LRPPRC: variants seen among roughly 807,000 people sequenced by gnomAD.
LRPPRC encodes the protein leucine rich pentatricopeptide repeat containing.
In LRPPRC, 120 loss-of-function variants were observed where a neutral mutation model predicts 180.3. The observed-to-expected ratio is 0.67, with a 90% CI of 0.57 to 0.77. The LOEUF is 0.77. Among genes scored for constraint, LRPPRC ranks in the 30% least tolerant of loss-of-function variants. The pLI, the probability that LRPPRC is intolerant of heterozygous loss-of-function variation, is 0.00. For synonymous variants in LRPPRC, 723 were observed against 600.0 expected (o/e 1.21, Z -3.00); for missense variants, 2,012 against 1,657.2 (o/e 1.21, Z -3.72).
rs1180201406 is a variant in LRPPRC at position 43,886,397 on chromosome 2, A to G, written c.*2203T>C. 3 of 152,180 alleles carry G rather than the reference A, an allele frequency of 2.0e-5. No homozygotes were observed. The highest frequency in any genetic ancestry group is 7.2e-5 in the African/African-American group (3 of 41,450). The allele number at this position is 152,180 out of a possible 1,614,324, so 9.4% of individuals were successfully genotyped here. A position where few individuals can be genotyped will look rare whatever the true frequency, so the allele number is the denominator to read the frequency against. On this transcript the variant is annotated 3_prime_UTR_variant, in exon 38 of 38. Transcript: ENST00000260665. ...TAAATGTATTACAGAAAGCTGCTAA[A>G]TTGTTTATATTTCTACTTATTTCAA...
In LRPPRC at chr2:43,918,287, C is replaced by A. The variant is rs1327576492; in HGVS notation, c.3008G>T (p.Gly1003Val). ...LRLLAEILREGNQEVPFDVPE... is the reference protein window; with the variant it reads ...LRLLAEILREVNQEVPFDVPE... ...TACGTCAAACGGAACTTCCTGGTTACCCTCTCTAAGGATTTCTGCTAATAA... is the reference window on the plus strand; with the variant it reads ...TACGTCAAACGGAACTTCCTGGTTAACCTCTCTAAGGATTTCTGCTAATAA... Residue 1003 changes from glycine (G) to valine (V), a missense_variant, in exon 28 of 38, where the codon GGT (glycine) becomes GTT (valine). Physicochemically the swap from Gly to Val is moderately radical, Grantham distance 109. Transcript: ENST00000260665. 6.2e-6 allele frequency: 10 copies of A among 1,612,812 alleles called. No individual in the cohort carries two copies. Among genetic ancestry groups the A allele is most frequent in the Non-Finnish European group, 8.5e-6 (10 of 1,178,992 alleles).
chr2:43,996,117 A>G, upstream of LRPPRC: 1 of 577,462 alleles, frequency 1.7e-6, no homozygotes, highest in South Asian at 2.1e-5. Flanking sequence ...CTCCGAGGAC[A>G]GAAGACCCAA....
At chr2:43,893,120 C>G (rs1045626325) in intron 36 of LRPPRC, among the ~76,000 whole-genome samples, 2 of 152,188 alleles carry the variant, frequency 1.3e-5, no homozygotes, top group Non-Finnish European at 2.9e-5. Context: ...TTGCTACAAT[C>G]TCATGATCAG....
intron 27 of LRPPRC, among the ~76,000 whole-genome samples, chr2:43,923,529 TA>T (rs1195493292): frequency 6.6e-6 from 1 of 151,940 alleles, no homozygotes; most frequent in African/African-American, 2.4e-5. Context: ...ATAGGAAGAG[TA>T]AGTTTGTGTG....
intron 14 of LRPPRC, among the ~76,000 whole-genome samples, chr2:43,952,726 C>T (rs1672953538): frequency 6.6e-6 from 1 of 151,958 alleles, no homozygotes. Flanking sequence ...TCTTTGTTTC[C>T]CAGAAGAGGA....
intron 30 of LRPPRC, among the ~76,000 whole-genome samples, chr2:43,909,827 A>G (rs1671194961): frequency 6.6e-6 from 1 of 152,014 alleles, no homozygotes; most frequent in South Asian, 2.1e-4. Flanking sequence ...AGAAGAAGGG[A>G]AGAAGATAAA....
chr2:43,995,360 T>C (rs894866520), intron 1 of LRPPRC, among the ~76,000 whole-genome samples: 1 of 152,114 alleles, frequency 6.6e-6, no homozygotes, highest in Non-Finnish European at 1.5e-5. Context: ...CGCCGCCCCA[T>C]CCCTCGCAAA....
chr2:43,976,972 A>G, intron 5 of LRPPRC, 22 bp downstream of exon 5: 1 of 1,602,462 alleles, frequency 6.2e-7, no homozygotes. Context: ...GTTCGCTTAA[A>G]CATGTTCATA....
chr2:43,924,470 G>T (rs1671806528), intron 27 of LRPPRC, among the ~76,000 whole-genome samples: 1 of 152,156 alleles, frequency 6.6e-6, no homozygotes, highest in Admixed American at 6.5e-5. Flanking sequence ...TTTAGAAATG[G>T]AAAATGGAAA....
At position 43,934,206 on chromosome 2, in the gene LRPPRC, G is replaced by T; in HGVS notation, c.2720C>A (p.Ala907Asp). 1 of 1,596,028 alleles carries T rather than the reference G, an allele frequency of 6.3e-7. No homozygotes were observed. The highest frequency in any genetic ancestry group is 8.6e-7 in the Non-Finnish European group (1 of 1,164,108). Reference protein sequence around the residue: ...AFLQTGNYKEAKKIIETPGIR... With the variant: ...AFLQTGNYKEDKKIIETPGIR... ...AAATCACACCTCAATGATCTTCTTG[G>T]CCTCTTTGTAATTTCCTGTTTGTAG... is the stretch of plus-strand genomic sequence containing the variant. The change falls in exon 25 of 38, where the codon GCC (alanine) becomes GAC (aspartate). Residue 907 changes from alanine (A) to aspartate (D), a missense_variant. By Grantham distance (126) the Ala-to-Asp change is moderately radical. Transcript: ENST00000260665.
intron 29 of LRPPRC, 93 bp from the exon 30 acceptor site, chr2:43,912,651 A>G (rs1202410113): frequency 2.8e-6 from 3 of 1,082,124 alleles, no homozygotes; most frequent in East Asian, 2.5e-5. Context: ...CTAAACCCAA[A>G]TATTTTTGCT....
At chr2:43,935,456 T>C (rs1672242277) in intron 23 of LRPPRC, among the ~76,000 whole-genome samples, 1 of 152,230 alleles carries the variant, frequency 6.6e-6, no homozygotes, top group Non-Finnish European at 1.5e-5. Context: ...CTTACTATTA[T>C]GAAAACTAGG....
chr2:43,890,384 T>C (rs1388520640), intron 36 of LRPPRC: 1 of 469,566 alleles, frequency 2.1e-6, no homozygotes, highest in Admixed American at 2.4e-5. Flanking sequence ...TAAACAAATA[T>C]GGAAAGTATA....
chr2:43,970,250 T>C (rs1396115087), intron 11 of LRPPRC, among the ~76,000 whole-genome samples: 2 of 152,218 alleles, frequency 1.3e-5, no homozygotes, highest in African/African-American at 4.8e-5. Context: ...TTACATTATC[T>C]ATTTTGCTGG....
intron 29 of LRPPRC, among the ~76,000 whole-genome samples, chr2:43,912,802 T>C (rs937713757): frequency 1.3e-5 from 2 of 152,208 alleles, no homozygotes; most frequent in African/African-American, 4.8e-5. Flanking sequence ...CCTCTTAAAA[T>C]GATTTCTCAT....
At position 43,957,430 on chromosome 2, in the gene LRPPRC, A is replaced by T; in HGVS notation, c.1604T>A (p.Ile535Asn). The T allele has an allele frequency of 6.2e-7, 1 of 1,613,380 alleles. No individual in the cohort carries two copies. The highest frequency in any genetic ancestry group is 1.3e-5 in the African/African-American group (1 of 75,028). ...GCTACTTCTTATAGACTGCAGCGAGATGGGCAATGTATTTGATTTCACTGC... is the reference window on the plus strand; with the variant it reads ...GCTACTTCTTATAGACTGCAGCGAGTTGGGCAATGTATTTGATTTCACTGC... The part of the protein sequence containing the change: ...LSFLKSNTLP[I>N]SLQSIRSSLL... The change falls in exon 14 of 38, where the codon ATC becomes AAC. Residue 535 changes from isoleucine to asparagine, a missense_variant. By Grantham distance (149) the Ile-to-Asn change is moderately radical. Coordinates refer to ENST00000260665, the MANE Select transcript of LRPPRC (RefSeq NM_133259.4).
At chr2:43,939,398 G>C (rs1672395564) in intron 23 of LRPPRC, among the ~76,000 whole-genome samples, 1 of 152,162 alleles carries the variant, frequency 6.6e-6, no homozygotes, top group Admixed American at 6.5e-5. Context: ...TGTTAGTGAA[G>C]TGGCAATTTA....
At position 43,974,195 on chromosome 2, in the gene LRPPRC, A is replaced by C. The variant is rs1405317431; in HGVS notation, c.1110T>G (p.Ser370Arg). The change falls in exon 9 of 38, where the codon AGT (serine) becomes AGG (arginine). Residue 370 changes from serine to arginine, a missense_variant. Physicochemically the swap from Ser to Arg is moderately radical, Grantham distance 110. Coordinates refer to ENST00000260665, the MANE Select transcript of LRPPRC (RefSeq NM_133259.4). Reference protein sequence around the residue: ...ACPVSKEDGPSVFGSFFLQHC... With the variant: ...ACPVSKEDGPRVFGSFFLQHC... ...GTTGTAAAAAGAAACTGCCAAAGAC[A>C]CTTGGGCCATCTTCCTTTGATACGG... 1 of 1,612,638 alleles carries C rather than the reference A, an allele frequency of 6.2e-7. No homozygotes were observed. Among genetic ancestry groups the C allele is most frequent in the African/African-American group, 1.3e-5 (1 of 75,064 alleles).
At chr2:43,911,899 T>C (rs192380482) in intron 30 of LRPPRC, among the ~76,000 whole-genome samples, 2 of 152,176 alleles carry the variant, frequency 1.3e-5, no homozygotes, top group South Asian at 2.1e-4. Flanking sequence ...TCAGTACCTA[T>C]GTTTTCTCTA....
Sources: gnomAD v4.1 joint callset for allele counts (sites outside exome capture counted in the v4.1 genomes callset) on GRCh38, gnomAD v4.1.1 for gene constraint, MANE v1.5 for transcripts, NCBI Gene and HGNC (gene_info 2026-07-23, HGNC 2026-07-21) for gene names.